Variants in DYNC1I2 observed in about 807,000 individuals in gnomAD.
DYNC1I2 encodes the protein dynein cytoplasmic 1 intermediate chain 2.
In DYNC1I2, 53 loss-of-function variants were observed where a neutral mutation model predicts 88.6. The ratio of observed to expected loss-of-function variants is 0.60; its 90% CI spans 0.48 to 0.75. The LOEUF (loss-of-function observed/expected upper bound fraction) is 0.75. DYNC1I2 is among the 30% of genes least tolerant of loss of function. The pLI is 0.00. For synonymous variants in DYNC1I2, 198 were observed against 254.6 expected (o/e 0.78, Z 2.12); for missense variants, 458 against 766.6 (o/e 0.60, Z 4.75).
intron 6 of DYNC1I2, among the ~76,000 whole-genome samples, chr2:171,713,346 A>G (rs1687260830): frequency 6.6e-6 from 1 of 152,026 alleles, no homozygotes; most frequent in Non-Finnish European, 1.5e-5. Context: ...CATAGAATGT[A>G]TGGATGAATA....
intron 3 of DYNC1I2, among the ~76,000 whole-genome samples, chr2:171,705,446 G>GT (rs1686606284): frequency 6.6e-6 from 1 of 151,978 alleles, no homozygotes; most frequent in South Asian, 2.1e-4. Context: ...TGGAAAAATT[G>GT]TTTTTCTGAG....
chr2:171,727,753 T>C (rs1688345120), intron 11 of DYNC1I2, 68 bp from the exon 12 acceptor site: 1 of 1,445,234 alleles, frequency 6.9e-7, no homozygotes, highest in Non-Finnish European at 9.5e-7. Context: ...GGATAATAGA[T>C]TGATTTTTAG....
intron 17 of DYNC1I2, 55 bp downstream of exon 17, chr2:171,745,982 A>G (rs1689751629): frequency 6.2e-7 from 1 of 1,600,630 alleles, no homozygotes; most frequent in East Asian, 2.2e-5. Context: ...CATTGTAGTA[A>G]AGGCATCTTT....
intron 15 of DYNC1I2, among the ~76,000 whole-genome samples, chr2:171,732,352 C>T (rs1438575685): frequency 6.6e-6 from 1 of 152,144 alleles, no homozygotes; most frequent in African/African-American, 2.4e-5. Context: ...GAGCAAAACT[C>T]CACCTGAAAA....
intron 1 of DYNC1I2, chr2:171,687,860 C>G (rs1326987438): frequency 1.3e-5 from 2 of 152,612 alleles, no homozygotes; most frequent in East Asian, 3.9e-4. Flanking sequence ...CTTCCCCATC[C>G]AGTCACCTGA....
At chr2:171,732,479 A>G (rs1688687986) in intron 15 of DYNC1I2, among the ~76,000 whole-genome samples, 1 of 152,230 alleles carries the variant, frequency 6.6e-6, no homozygotes. Context: ...CACCAGATAA[A>G]TGCCACAGGG....
chr2:171,746,015 G>A, intron 17 of DYNC1I2, 88 bp downstream of exon 17: 2 of 1,432,468 alleles, frequency 1.4e-6, no homozygotes, highest in South Asian at 1.3e-5. Context: ...AGGCTTTGAG[G>A]TTTATGAGTT....
chr2:171,748,887 T>A lies in DYNC1I2; in HGVS notation c.*998T>A, dbSNP rs989640448. Among the ~76,000 whole-genome samples, 19 of 152,188 alleles carry A rather than the reference T, an allele frequency of 1.2e-4. No individual in the cohort carries two copies. The highest frequency in any genetic ancestry group is 3.6e-4 in the African/African-American group (15 of 41,466). ...CAGCATTGTCTACAAGTCCGAAAGG[T>A]AGGTGACAAATATCTAAGAATCAGT... On this transcript the variant is annotated 3_prime_UTR_variant, in exon 18 of 18. Coordinates refer to ENST00000397119, the MANE Select transcript of DYNC1I2 (RefSeq NM_001378.3).
chr2:171,748,880 C>T lies in DYNC1I2; in HGVS notation c.*991C>T, dbSNP rs138199984. 1.1e-3 allele frequency among the ~76,000 whole-genome samples: 170 copies of T among 152,170 alleles called. No homozygotes were observed. Among genetic ancestry groups the T allele is most frequent in the African/African-American group, 3.5e-3 (144 of 41,522 alleles). ...GTTGCCACAGCATTGTCTACAAGTCCGAAAGGTAGGTGACAAATATCTAAG... is the reference window on the plus strand; with the variant it reads ...GTTGCCACAGCATTGTCTACAAGTCTGAAAGGTAGGTGACAAATATCTAAG... On this transcript the variant is annotated 3_prime_UTR_variant, in exon 18 of 18. Coordinates refer to ENST00000397119, the MANE Select transcript of DYNC1I2 (RefSeq NM_001378.3).
At chr2:171,699,700 T>C (rs1686087696) in intron 3 of DYNC1I2, among the ~76,000 whole-genome samples, 1 of 151,596 alleles carries the variant, frequency 6.6e-6, no homozygotes, top group African/African-American at 2.4e-5. Context: ...AGTGCAGTGG[T>C]GTGATCTCAG....
chr2:171,728,758 T>C lies in DYNC1I2; in HGVS notation c.1299T>C (p.Ala433=), dbSNP rs547755931. The part of the protein sequence containing the change: ...ELVHKQSKAV[A]VTSMSFPVGD... ...TTCATAAACAGTCAAAAGCAGTAGC[T>C]GTGACATCTATGTCCTTCCCTGTTG... The change falls in exon 14 of 18, where the codon GCT becomes GCC. Residue 433 remains alanine, a synonymous_variant. Transcript: ENST00000397119. 8.7e-6 allele frequency: 14 copies of C among 1,609,490 alleles called. No individual in the cohort carries two copies. The East Asian group carries it at 3.1e-4, about 36-fold the overall frequency.
chr2:171,704,016 G>A (rs1686476688), intron 3 of DYNC1I2, among the ~76,000 whole-genome samples: 2 of 152,152 alleles, frequency 1.3e-5, no homozygotes, highest in African/African-American at 4.8e-5. Flanking sequence ...CTTCTTGCCA[G>A]AGGCTTTCTT....
intron 7 of DYNC1I2, among the ~76,000 whole-genome samples, chr2:171,716,960 G>T (rs1184572386): frequency 6.6e-6 from 1 of 151,578 alleles, no homozygotes; most frequent in African/African-American, 2.4e-5. Context: ...TGACTTAATA[G>T]TAGATCATCA....
rs1377322072 is a variant in DYNC1I2 at position 171,748,349 on chromosome 2, A to G, written c.*460A>G. 6.6e-6 allele frequency: 1 copy of G among 152,428 alleles called. No individual in the cohort carries two copies. The highest frequency in any genetic ancestry group is 2.4e-5 in the African/African-American group (1 of 41,398). 9.4% of individuals were successfully genotyped at this position (152,428 alleles called of 1,614,324 possible). A position where few individuals can be genotyped will look rare whatever the true frequency, so the allele number is the denominator to read the frequency against. ...TACACCTATCCATGTTCATTCTGAC[A>G]TCCTTTGTTGTCTTTATAATTCATG... On this transcript the variant is annotated 3_prime_UTR_variant, in exon 18 of 18. Coordinates refer to ENST00000397119, the MANE Select transcript of DYNC1I2 (RefSeq NM_001378.3).
At chr2:171,721,599 G>T (rs112146329) in intron 7 of DYNC1I2, among the ~76,000 whole-genome samples, 5 of 152,198 alleles carry the variant, frequency 3.3e-5, no homozygotes, top group African/African-American at 1.2e-4. Context: ...TATTTTCATA[G>T]CTGTTTGTGA....
chr2:171,726,208 G>A lies in DYNC1I2; in HGVS notation c.785G>A (p.Gly262Asp), dbSNP rs750902846. 6.2e-7 allele frequency: 1 copy of A among 1,611,382 alleles called. No individual in the cohort carries two copies. Among genetic ancestry groups the A allele is most frequent in the Non-Finnish European group, 8.5e-7 (1 of 1,178,910 alleles). Reference protein sequence around the residue: ...LEDKEGEIQAGAKLSLNRQFF... With the variant: ...LEDKEGEIQADAKLSLNRQFF... ...TTTTTTTGTAGAGAGATTCAAGCAGGTGCTAAACTGTCATTAAATCGACAA... is the reference window on the plus strand; with the variant it reads ...TTTTTTTGTAGAGAGATTCAAGCAGATGCTAAACTGTCATTAAATCGACAA... Residue 262 changes from glycine (G) to aspartate (D), a missense_variant, in exon 10 of 18, where the codon GGT (glycine) becomes GAT (aspartate). Transcript: ENST00000397119.
In DYNC1I2 at chr2:171,749,990, A is replaced by G. The variant is rs186078151; in HGVS notation, c.*2101A>G. 4.7e-3 allele frequency among the ~76,000 whole-genome samples: 712 copies of G among 152,288 alleles called. 4 individuals carry two copies. The highest frequency in any genetic ancestry group is 7.5e-3 in the Non-Finnish European group (511 of 67,998). ...TTACAGAAATTGTACCTTATCAGTT[A>G]TACTTTTTTTCTGAGTAAGAAAACA... On this transcript the variant is annotated 3_prime_UTR_variant, in exon 18 of 18. Coordinates refer to ENST00000397119, the MANE Select transcript of DYNC1I2 (RefSeq NM_001378.3).
chr2:171,739,642 A>G (rs1383077477), intron 15 of DYNC1I2, among the ~76,000 whole-genome samples: 1 of 135,526 alleles, frequency 7.4e-6, no homozygotes, highest in Non-Finnish European at 1.6e-5. Flanking sequence ...TCTTTTTACT[A>G]TTTATTTGAA....
intron 15 of DYNC1I2, among the ~76,000 whole-genome samples, chr2:171,730,634 C>A (rs112037090): frequency 6.6e-6 from 1 of 152,192 alleles, no homozygotes; most frequent in East Asian, 1.9e-4. Context: ...AGTTTTTCTG[C>A]GGTATTAACA....
Sources: allele counts gnomAD v4.1 joint callset (sites outside exome capture counted in the v4.1 genomes callset), GRCh38; gene constraint gnomAD v4.1.1; transcripts MANE v1.5; gene names NCBI Gene and HGNC (gene_info 2026-07-23, HGNC 2026-07-21).